Variants in TNKS observed in about 807,000 individuals in gnomAD.
TNKS encodes tankyrase, also known as poly [ADP-ribose] polymerase tankyrase-1.
In TNKS, 72 loss-of-function variants were observed where a neutral mutation model predicts 135.8. The observed-to-expected ratio is 0.53, with a 90% CI of 0.44 to 0.64. TNKS has a LOEUF of 0.64. TNKS is among the 30% of genes least tolerant of loss of function. The pLI is 0.00. For missense variants in TNKS, 1,769 were observed against 1,674.0 expected (o/e 1.06, Z -0.99); for synonymous variants, 849 against 649.3 (o/e 1.31, Z -4.68).
chr8:9,662,516 G>A (rs1033228811), intron 3 of TNKS, among the ~76,000 whole-genome samples: 1 of 152,124 alleles, frequency 6.6e-6, no homozygotes, highest in South Asian at 2.1e-4. Flanking sequence ...AACACCGTAT[G>A]TTCTGACTCA....
In TNKS at chr8:9,615,742, C is replaced by G. The variant is rs535956828; in HGVS notation, c.994+65C>G. 5.3e-6 allele frequency: 7 copies of G among 1,316,062 alleles called. No individual in the cohort carries two copies. In the Admixed American group the frequency reaches 1.1e-4, roughly 21 times the overall value. 81.5% of individuals were successfully genotyped at this position (1,316,062 alleles called of 1,614,324 possible). On this transcript the variant is annotated intron_variant, in intron 3 of 26. Coordinates refer to ENST00000310430, the MANE Select transcript of TNKS (RefSeq NM_003747.3). Reference sequence around the variant, plus strand: ...AACTCCTTACTTGATTTTATAAAATCTTGTTATGCTGAATTTTTCTTTTCA... The same window carrying G: ...AACTCCTTACTTGATTTTATAAAATGTTGTTATGCTGAATTTTTCTTTTCA...
chr8:9,598,145 A>G (rs746177379), intron 2 of TNKS, among the ~76,000 whole-genome samples: 8 of 152,150 alleles, frequency 5.3e-5, no homozygotes, highest in Non-Finnish European at 1.2e-4. Flanking sequence ...TCCAGGGTTC[A>G]CGCCATTCTC....
intron 17 of TNKS, chr8:9,741,553 G>A: frequency 4.1e-6 from 1 of 246,106 alleles, no homozygotes. Flanking sequence ...ATAGCGTTAA[G>A]ATGTGTTCTA....
chr8:9,756,977 TTTTG>T (rs776537424), intron 20 of TNKS, among the ~76,000 whole-genome samples: 23 of 152,106 alleles, frequency 1.5e-4, no homozygotes, highest in South Asian at 4.1e-4. Context: ...GTTTGTTTTT[TTTTG>T]TTTGTTTGTT....
intron 3 of TNKS, among the ~76,000 whole-genome samples, chr8:9,629,869 A>G (rs985080803): frequency 2.6e-5 from 4 of 152,154 alleles, no homozygotes; most frequent in African/African-American, 9.7e-5. Context: ...TTTTTAGTAG[A>G]GACGGGGTTT....
intron 2 of TNKS, among the ~76,000 whole-genome samples, chr8:9,585,668 T>C (rs1381045044): frequency 1.3e-5 from 2 of 152,188 alleles, no homozygotes; most frequent in Non-Finnish European, 2.9e-5. Flanking sequence ...TGCAGCCTTT[T>C]GGGAGTAAGA....
intron 25 of TNKS, among the ~76,000 whole-genome samples, chr8:9,769,665 C>T (rs943072526): frequency 1.4e-5 from 2 of 143,614 alleles, no homozygotes; most frequent in Admixed American, 1.4e-4. Flanking sequence ...TGTCGCCCAG[C>T]CTGGAGTGCA....
chr8:9,564,796 G>C (rs868594877), intron 1 of TNKS, among the ~76,000 whole-genome samples: 35 of 152,230 alleles, frequency 2.3e-4, no homozygotes, highest in Admixed American at 6.5e-5. Context: ...GATTAGTTAA[G>C]ATAAGATGGG....
chr8:9,576,528 TG>T (rs1797954705), intron 1 of TNKS, among the ~76,000 whole-genome samples: 1 of 146,436 alleles, frequency 6.8e-6, no homozygotes, highest in Non-Finnish European at 1.5e-5. Flanking sequence ...TGGAGTGCAG[TG>T]GGGCGATCTC....
intron 14 of TNKS, among the ~76,000 whole-genome samples, chr8:9,732,371 A>G (rs1805488647): frequency 6.6e-6 from 1 of 152,224 alleles, no homozygotes; most frequent in Non-Finnish European, 1.5e-5. Context: ...ATCTCAAAAT[A>G]AGCCAGTAGC....
intron 20 of TNKS, among the ~76,000 whole-genome samples, chr8:9,755,434 C>T (rs779081750): frequency 2.8e-4 from 42 of 152,192 alleles, no homozygotes; most frequent in Non-Finnish European, 4.9e-4. Flanking sequence ...AAGCACAGTT[C>T]TTTCCCTCCA....
At chr8:9,598,930 A>G (rs1205603535) in intron 2 of TNKS, among the ~76,000 whole-genome samples, 1 of 151,046 alleles carries the variant, frequency 6.6e-6, no homozygotes, top group Admixed American at 6.6e-5. Flanking sequence ...GGAAAGATTC[A>G]CAAACACTGA....
At chr8:9,666,282 T>C (rs1801984766) in intron 3 of TNKS, among the ~76,000 whole-genome samples, 1 of 152,236 alleles carries the variant, frequency 6.6e-6, no homozygotes, top group African/African-American at 2.4e-5. Flanking sequence ...ATGTCTTTTT[T>C]AAACATTGCT....
rs907467819 is a variant in TNKS, at chr8:9,766,251, T to C, written c.3566T>C (p.Ile1189Thr). The C allele has an allele frequency of 4.4e-6, 7 of 1,603,824 alleles. No individual in the cohort carries two copies. In the Admixed American group the frequency reaches 8.5e-5, roughly 19 times the overall value. Residue 1189 changes from isoleucine (I) to threonine (T), a missense_variant, in exon 25 of 27, where the codon ATT becomes ACT. Physicochemically the swap from Ile to Thr is moderately conservative, Grantham distance 89. This residue lies in a region of TNKS where 722 missense variants were observed against 688.9 expected (regional missense o/e 1.05). Transcript: ENST00000310430. Reference protein sequence around the residue: ...ERMLFHGSPFINAIIHKGFDE... With the variant: ...ERMLFHGSPFTNAIIHKGFDE... ...TTCGTATTTCTAGGTTCTCCTTTCA[T>C]TAATGCCATTATTCATAAAGGGTTT...
intron 1 of TNKS, among the ~76,000 whole-genome samples, chr8:9,566,818 C>T (rs570857960): frequency 1.4e-3 from 212 of 151,570 alleles, no homozygotes; most frequent in Non-Finnish European, 1.6e-3. Context: ...CCTTGTTAGC[C>T]AGGATGGTCT....
chr8:9,623,671 A>T (rs769832296), intron 3 of TNKS, among the ~76,000 whole-genome samples: 10 of 152,168 alleles, frequency 6.6e-5, no homozygotes, highest in Non-Finnish European at 1.5e-4. Context: ...GTGCAATAAA[A>T]TGAGGTATGT....
At chr8:9,766,519 T>G (rs1046064246) in intron 25 of TNKS, 94 bp downstream of exon 25, 6 of 1,187,342 alleles carry the variant, frequency 5.1e-6, no homozygotes. Context: ...GAAGTCTTGC[T>G]CTTGTCACCC....
intron 11 of TNKS, among the ~76,000 whole-genome samples, chr8:9,718,981 A>G (rs1554477153): frequency 6.6e-6 from 1 of 152,240 alleles, no homozygotes; most frequent in Non-Finnish European, 1.5e-5. Flanking sequence ...AAAAATGTTA[A>G]TGATTAGAAT....
chr8:9,588,058 T>C (rs1798454615), intron 2 of TNKS, among the ~76,000 whole-genome samples: 1 of 152,228 alleles, frequency 6.6e-6, no homozygotes, highest in Non-Finnish European at 1.5e-5. Flanking sequence ...GATAATGTAG[T>C]GGACTCATAT....
Sources: allele counts gnomAD v4.1 joint callset (sites outside exome capture counted in the v4.1 genomes callset), GRCh38; gene constraint gnomAD v4.1.1; regional missense constraint gnomAD v4.1.1; transcripts MANE v1.5; gene names NCBI Gene and HGNC (gene_info 2026-07-23, HGNC 2026-07-21).